ATP11B: variants seen among roughly 807,000 people sequenced by gnomAD.
ATP11B encodes the protein ATPase phospholipid transporting 11B (putative).
ATP11B carries 81 observed loss-of-function variants against 157.8 expected under a neutral mutation model. The observed-to-expected ratio is 0.51, with a 90% CI of 0.43 to 0.62. The LOEUF (loss-of-function observed/expected upper bound fraction) is 0.62, where lower values mean the gene tolerates loss of function less well. Ranked by LOEUF, ATP11B falls within the 20% of genes least tolerant of loss-of-function variation. The pLI, the probability that ATP11B is intolerant of heterozygous loss-of-function variation, is 0.00. For synonymous variants in ATP11B, 451 were observed against 469.4 expected (o/e 0.96, Z 0.51); for missense variants, 1,165 against 1,402.2 (o/e 0.83, Z 2.70).
At chr3:182,808,411 T>C (rs1210698959) in intron 1 of ATP11B, among the ~76,000 whole-genome samples, 1 of 152,226 alleles carries the variant, frequency 6.6e-6, no homozygotes, top group Non-Finnish European at 1.5e-5. Flanking sequence ...GATGCAGTGC[T>C]AACCTGCCAA....
chr3:182,828,906 A>G (rs769926731), intron 3 of ATP11B, among the ~76,000 whole-genome samples: 4 of 152,154 alleles, frequency 2.6e-5, no homozygotes, highest in Non-Finnish European at 4.4e-5. Flanking sequence ...GTAGCATCAA[A>G]TATATAAACT....
intron 7 of ATP11B, among the ~76,000 whole-genome samples, chr3:182,841,515 T>A (rs1461546183): frequency 6.6e-6 from 1 of 152,204 alleles, no homozygotes; most frequent in African/African-American, 2.4e-5. Context: ...TGATCCAGAT[T>A]CTTGCCATTT....
intron 10 of ATP11B, among the ~76,000 whole-genome samples, chr3:182,857,544 A>G (rs1720496329): frequency 7.1e-6 from 1 of 140,778 alleles, no homozygotes; most frequent in Non-Finnish European, 1.6e-5. Context: ...TATTACACTT[A>G]AGGTGGGTGC....
In ATP11B at chr3:182,880,502, G is replaced by A. The variant is rs541831913; in HGVS notation, c.2407-377G>A. Among the ~76,000 whole-genome samples, 396 of 151,838 alleles carry A rather than the reference G, an allele frequency of 2.6e-3. 3 individuals are homozygous for A. The highest frequency in any genetic ancestry group is 4.4e-3 in the Non-Finnish European group (296 of 67,928). ...AAGTCTTAAAATTTTACTACAAGAG[G>A]AAACAATTATTTCTTTCATATCAAA... is the stretch of plus-strand genomic sequence containing the variant. On this transcript the variant is annotated intron_variant, in intron 20 of 29. Transcript: ENST00000323116.
intron 10 of ATP11B, among the ~76,000 whole-genome samples, chr3:182,851,013 A>T (rs527736059): frequency 6.5e-4 from 99 of 152,272 alleles, no homozygotes; most frequent in African/African-American, 2.4e-3. Context: ...ACAGAAAGAC[A>T]CTTCATTAGT....
At chr3:182,802,741 ATTT>A (rs1275839348) in intron 1 of ATP11B, among the ~76,000 whole-genome samples, 2 of 152,082 alleles carry the variant, frequency 1.3e-5, no homozygotes, top group African/African-American at 4.8e-5. Context: ...ACTTAATGCT[ATTT>A]AACCTACTCC....
intron 14 of ATP11B, among the ~76,000 whole-genome samples, chr3:182,866,775 A>G (rs1359409485): frequency 2.0e-5 from 3 of 148,724 alleles, no homozygotes; most frequent in African/African-American, 4.9e-5. Context: ...TTAAAAGTAT[A>G]TATATATGTT....
chr3:182,880,169 CA>C (rs1250401367), intron 20 of ATP11B, among the ~76,000 whole-genome samples: 2 of 152,150 alleles, frequency 1.3e-5, no homozygotes, highest in African/African-American at 4.8e-5. Context: ...CCTATATAAA[CA>C]TTTTTTATAA....
chr3:182,849,724 T>G (rs997744131), intron 10 of ATP11B, among the ~76,000 whole-genome samples: 3 of 151,952 alleles, frequency 2.0e-5, no homozygotes, highest in African/African-American at 7.3e-5. Flanking sequence ...GAAAAAAGAT[T>G]AGGAAAAATG....
At chr3:182,844,937 G>A (rs548692862) in intron 8 of ATP11B, among the ~76,000 whole-genome samples, 1 of 148,498 alleles carries the variant, frequency 6.7e-6, no homozygotes, top group Non-Finnish European at 1.5e-5. Context: ...CTTAAAGCAG[G>A]TATTTGTTGT....
At chr3:182,872,856 T>TTC (rs1161594487) in intron 18 of ATP11B, among the ~76,000 whole-genome samples, 1 of 152,208 alleles carries the variant, frequency 6.6e-6, no homozygotes, top group African/African-American at 2.4e-5. Flanking sequence ...CACTGTCTCC[T>TTC]TCCGCTTTAT....
intron 1 of ATP11B, among the ~76,000 whole-genome samples, chr3:182,816,517 G>A (rs1358410433): frequency 1.3e-5 from 2 of 152,178 alleles, no homozygotes; most frequent in African/African-American, 4.8e-5. Context: ...ACTAGAAATA[G>A]TGTGAAACTA....
intron 2 of ATP11B, among the ~76,000 whole-genome samples, chr3:182,827,123 G>A (rs1014153632): frequency 2.0e-5 from 3 of 152,084 alleles, no homozygotes; most frequent in African/African-American, 4.8e-5. Flanking sequence ...CTGGCCTCAG[G>A]GATCTTATAT....
chr3:182,905,789 T>G, intron 28 of ATP11B: 1 of 456,750 alleles, frequency 2.2e-6, no homozygotes, highest in South Asian at 1.5e-5. Context: ...TTTCTGTCCT[T>G]CCAGATGGAA....
Position 182,793,802 on chromosome 3 carries a change from C to A in ATP11B, c.27+16C>A. The A allele has an allele frequency of 7.3e-7, 1 of 1,364,638 alleles. No homozygotes were observed. The highest frequency in any genetic ancestry group is 9.5e-7 in the Non-Finnish European group (1 of 1,050,690). The allele number at this position is 1,364,638 out of a possible 1,614,324, so 84.5% of individuals were successfully genotyped here. A position where few individuals can be genotyped will look rare whatever the true frequency, so the allele number is the denominator to read the frequency against. ...GCAGCAGCTGGTAGGTGCCCCCGCC[C>A]CTCCACCTCCATTCGTCCGCCCCCG... On this transcript the variant is annotated intron_variant, in intron 1 of 29. Coordinates refer to ENST00000323116, the MANE Select transcript of ATP11B (RefSeq NM_014616.3).
chr3:182,872,670 G>C, intron 18 of ATP11B, 133 bp downstream of exon 18: 1 of 822,942 alleles, frequency 1.2e-6, no homozygotes, highest in Admixed American at 3.2e-5. Flanking sequence ...GAGAACTAAA[G>C]CCTTAATTTT....
intron 28 of ATP11B, among the ~76,000 whole-genome samples, chr3:182,910,733 A>C (rs1163406938): frequency 6.6e-6 from 1 of 152,200 alleles, no homozygotes; most frequent in African/African-American, 2.4e-5. Flanking sequence ...TTGATTGAGC[A>C]CCAGCTTTGA....
intron 4 of ATP11B, among the ~76,000 whole-genome samples, chr3:182,830,338 A>C (rs78979209): frequency 6.6e-6 from 1 of 151,926 alleles, no homozygotes; most frequent in Non-Finnish European, 1.5e-5. Context: ...AAAAAAAAAA[A>C]ATGTATAGTC....
chr3:182,801,039 T>G (rs545087629), intron 1 of ATP11B, among the ~76,000 whole-genome samples: 1 of 152,190 alleles, frequency 6.6e-6, no homozygotes, highest in African/African-American at 2.4e-5. Flanking sequence ...GGACCTCAGA[T>G]GATCAATCCA....
Sources: gnomAD v4.1 joint callset for allele counts (sites outside exome capture counted in the v4.1 genomes callset) on GRCh38, gnomAD v4.1.1 for gene constraint, MANE v1.5 for transcripts, NCBI Gene and HGNC (gene_info 2026-07-23, HGNC 2026-07-21) for gene names.